DNAH7: variants seen among roughly 807,000 people sequenced by gnomAD.
DNAH7 encodes the protein axonemal beta dynein heavy chain 7.
DNAH7 carries 397 observed loss-of-function variants against 444.6 expected under a neutral mutation model. The ratio of observed to expected loss-of-function variants is 0.89; its 90% CI spans 0.82 to 0.97. DNAH7 has a LOEUF of 0.97. DNAH7 is among the 50% of genes least tolerant of loss of function. DNAH7 has a pLI of 0.00. For missense variants in DNAH7, 4,902 were observed against 4,800.8 expected (o/e 1.02, Z -0.62); for synonymous variants, 1,636 against 1,624.4 (o/e 1.01, Z -0.17).
intron 46 of DNAH7, among the ~76,000 whole-genome samples, chr2:195,848,906 T>C (rs962944588): frequency 1.3e-5 from 2 of 152,218 alleles, no homozygotes; most frequent in Non-Finnish European, 2.9e-5. Flanking sequence ...GAATTCTGCG[T>C]TTTTAACTGT....
intron 63 of DNAH7, among the ~76,000 whole-genome samples, chr2:195,747,449 A>G (rs1259946836): frequency 6.6e-6 from 1 of 152,228 alleles, no homozygotes; most frequent in African/African-American, 2.4e-5. Flanking sequence ...AACTATTCCA[A>G]TCAATAGAGA....
chr2:195,935,439 T>C (rs1688984376), intron 20 of DNAH7, among the ~76,000 whole-genome samples: 1 of 152,114 alleles, frequency 6.6e-6, no homozygotes, highest in Non-Finnish European at 1.5e-5. Context: ...AGATTACATA[T>C]CCCCTACTTT....
chr2:195,871,925 C>T (rs1292632054), intron 40 of DNAH7, among the ~76,000 whole-genome samples: 1 of 19,638 alleles, frequency 5.1e-5, no homozygotes, highest in Non-Finnish European at 7.4e-5. Flanking sequence ...AGCGAGACTC[C>T]GTCTCAAAAA....
Position 195,845,126 on chromosome 2 carries a change from C to T in DNAH7, c.8821G>A (p.Asp2941Asn). The part of the protein sequence containing the change: ...KEWTTLCKGR[D>N]IPCSDDCSLM... Reference sequence around the variant, plus strand: ...GAGCAATCATCTGAGCAGGGGATATCTCTTCCTTTGCACAAAGTTGTCCAC... The same window carrying T: ...GAGCAATCATCTGAGCAGGGGATATTTCTTCCTTTGCACAAAGTTGTCCAC... The change falls in exon 47 of 65, where the codon GAT (aspartate) becomes AAT (asparagine). Residue 2941 changes from aspartate (D) to asparagine (N), a missense_variant. By Grantham distance (23) the Asp-to-Asn change is conservative (BLOSUM62 1). Transcript: ENST00000312428. The T allele has an allele frequency of 6.2e-7, 1 of 1,613,150 alleles. No homozygotes were observed. The highest frequency in any genetic ancestry group is 8.5e-7 in the Non-Finnish European group (1 of 1,179,670).
At chr2:195,940,314 A>C (rs1689339097) in intron 19 of DNAH7, among the ~76,000 whole-genome samples, 1 of 152,248 alleles carries the variant, frequency 6.6e-6, no homozygotes, top group Non-Finnish European at 1.5e-5. Flanking sequence ...AAAACTGGCT[A>C]GCCACATGCA....
chr2:195,881,959 A>G lies in DNAH7; in HGVS notation c.5797T>C (p.Leu1933=). The change falls in exon 36 of 65, where the codon TTG becomes CTG. Residue 1933 remains leucine, a synonymous_variant. Coordinates refer to ENST00000312428, the MANE Select transcript of DNAH7 (RefSeq NM_018897.3). The part of the protein sequence containing the change: ...IGKWEPWIKK[L]KEAPPIPKDV... ...TTAGGAATTGGAGGAGCTTCTTTCA[A>G]TTTCTTTATCCATGGTTCCCATTTT... 1 of 1,613,892 alleles carries G rather than the reference A, an allele frequency of 6.2e-7. No homozygotes were observed. The highest frequency in any genetic ancestry group is 8.5e-7 in the Non-Finnish European group (1 of 1,179,886).
chr2:196,012,655 GATATT>G, intron 10 of DNAH7, 127 bp downstream of exon 10: 1 of 901,680 alleles, frequency 1.1e-6, no homozygotes. Context: ...GATAATTAAA[GATATT>G]ATATTTAAAT....
chr2:196,015,711 C>T (rs1047398144), intron 9 of DNAH7, among the ~76,000 whole-genome samples: 2 of 152,172 alleles, frequency 1.3e-5, no homozygotes, highest in African/African-American at 4.8e-5. Flanking sequence ...CACGTTTTTG[C>T]ATTAACATTC....
At chr2:195,746,433 TCAA>T (rs1358863391) in intron 63 of DNAH7, among the ~76,000 whole-genome samples, 1 of 152,044 alleles carries the variant, frequency 6.6e-6, no homozygotes, top group South Asian at 2.1e-4. Flanking sequence ...ATATTAGAGA[TCAA>T]CGAGACAGAA....
intron 49 of DNAH7, among the ~76,000 whole-genome samples, chr2:195,820,334 T>C (rs909191586): frequency 6.6e-6 from 1 of 151,488 alleles, no homozygotes; most frequent in Non-Finnish European, 1.5e-5. Context: ...TTAGGACAAA[T>C]ACCTAATGCA....
chr2:195,908,960 C>G (rs1244084706), intron 25 of DNAH7, among the ~76,000 whole-genome samples: 1 of 151,978 alleles, frequency 6.6e-6, no homozygotes, highest in Non-Finnish European at 1.5e-5. Flanking sequence ...GTTTGTTTAT[C>G]TTTTTTAATG....
chr2:196,002,281 G>T (rs1299333155), intron 10 of DNAH7, among the ~76,000 whole-genome samples: 1 of 151,836 alleles, frequency 6.6e-6, no homozygotes, highest in Non-Finnish European at 1.5e-5. Context: ...AATACACTTG[G>T]TTGTTTCATG....
intron 44 of DNAH7, 31 bp downstream of exon 44, chr2:195,857,346 A>C: frequency 6.0e-6 from 9 of 1,487,616 alleles, no homozygotes; most frequent in Non-Finnish European, 8.1e-6. Flanking sequence ...GACAGACCAT[A>C]CCAGCTGGAT....
At chr2:195,770,895 G>A (rs2105938032) in intron 61 of DNAH7, among the ~76,000 whole-genome samples, 1 of 150,244 alleles carries the variant, frequency 6.7e-6, no homozygotes, top group South Asian at 2.1e-4. Context: ...GAAGAGACAA[G>A]GTCTTGCTGT....
At chr2:195,804,449 C>T (rs1002458507) in intron 54 of DNAH7, among the ~76,000 whole-genome samples, 3 of 152,096 alleles carry the variant, frequency 2.0e-5, no homozygotes, top group Non-Finnish European at 1.5e-5. Context: ...GTGGAGGTGT[C>T]GCTAATGGTA....
At chr2:195,742,814 A>G (rs1484481799) in intron 63 of DNAH7, among the ~76,000 whole-genome samples, 1 of 152,218 alleles carries the variant, frequency 6.6e-6, no homozygotes. Flanking sequence ...AGCAATTCAG[A>G]TAAGAGGAAT....
At chr2:195,853,297 C>A in intron 46 of DNAH7, 46 bp downstream of exon 46, 1 of 1,544,952 alleles carries the variant, frequency 6.5e-7, no homozygotes, top group South Asian at 1.2e-5. Flanking sequence ...GTTATATTGG[C>A]TGTGATGGGC....
chr2:195,810,776 G>C (rs1290820512), intron 51 of DNAH7, among the ~76,000 whole-genome samples: 1 of 152,026 alleles, frequency 6.6e-6, no homozygotes, highest in Non-Finnish European at 1.5e-5. Flanking sequence ...AGAAAGCCTT[G>C]GCAATAGTTG....
rs1451642205 is a variant in DNAH7 at position 196,068,751 on chromosome 2, T to C, written c.-40A>G. On this transcript the variant is annotated 5_prime_UTR_variant, in exon 1 of 65. Coordinates refer to ENST00000312428, the MANE Select transcript of DNAH7 (RefSeq NM_018897.3). The stretch of plus-strand genomic sequence containing the variant: ...GCTGGCCTCACCGGTGCTTCTGGGT[T>C]GCTCCTGCCCGCGGAACCCCTAGGA... 2 of 1,549,296 alleles carry C rather than the reference T, an allele frequency of 1.3e-6. No homozygotes were observed. Among genetic ancestry groups the C allele is most frequent in the South Asian group, 2.4e-5 (2 of 83,810 alleles).
Sources: gnomAD v4.1 joint callset for allele counts (sites outside exome capture counted in the v4.1 genomes callset) on GRCh38, gnomAD v4.1.1 for gene constraint, MANE v1.5 for transcripts, NCBI Gene and HGNC (gene_info 2026-07-23, HGNC 2026-07-21) for gene names.